The following ECPAS variants were observed in gnomAD, a reference collection of about 807,000 sequenced individuals.
ECPAS encodes Ecm29 proteasome adaptor and scaffold, also known as proteasome adapter and scaffold protein ECM29.
In ECPAS, 70 loss-of-function variants were observed where a neutral mutation model predicts 255.1. That is an observed-to-expected ratio of 0.27 (90% CI 0.23 to 0.33). The LOEUF (loss-of-function observed/expected upper bound fraction) is 0.33. ECPAS is among the 10% of genes least tolerant of loss of function. The pLI is 1.00. For synonymous variants in ECPAS, 784 were observed against 775.0 expected, an observed-to-expected ratio of 1.01 and a Z score of -0.19; for missense variants, 1,817 against 2,206.4, an observed-to-expected ratio of 0.82 and a Z score of 3.54.
intron 12 of ECPAS, among the ~76,000 whole-genome samples, chr9:111,424,281 T>C (rs977851155): frequency 2.0e-5 from 3 of 152,180 alleles, no homozygotes; most frequent in Admixed American, 6.5e-5. Flanking sequence ...GTGAACAATT[T>C]AGGTAGATTA....
Position 111,410,164 on chromosome 9 carries a change from T to C in ECPAS, c.2427A>G (p.Thr809=). 6.2e-7 allele frequency: 1 copy of C among 1,613,294 alleles called. No homozygotes were observed. Among genetic ancestry groups the C allele is most frequent in the Non-Finnish European group, 8.5e-7 (1 of 1,179,672 alleles). The stretch of plus-strand genomic sequence containing the variant: ...CATTTCTGCCAATTTCACCCAGGGC[T>C]GTGCAGGCAGCAATTGCCAGGAGGG... ...TSPLLAIAAC[T]ALGEIGRNGP... Residue 809 remains threonine (T), a synonymous_variant, in exon 23 of 50, where the codon ACA becomes ACG. Coordinates refer to ENST00000684092, the MANE Select transcript of ECPAS (RefSeq NM_001364929.1).
intron 24 of ECPAS, among the ~76,000 whole-genome samples, chr9:111,407,428 A>AAAAAAAAAAAAGAAAAG (rs751687233): frequency 1.0e-5 from 1 of 98,726 alleles, no homozygotes; most frequent in Non-Finnish European, 2.6e-5. Flanking sequence ...AAAAAAAAAA[A>AAAAAAAAAAAAGAAAAG]AAAAAAAAAA....
chr9:111,396,351 G>A (rs988194546), intron 25 of ECPAS, among the ~76,000 whole-genome samples: 9 of 152,142 alleles, frequency 5.9e-5, no homozygotes, highest in African/African-American at 1.9e-4. Context: ...TACCTAGAGC[G>A]CTAGCAGAAG....
intron 2 of ECPAS, among the ~76,000 whole-genome samples, chr9:111,468,617 AAG>A (rs896058000): frequency 1.4e-5 from 2 of 147,916 alleles, no homozygotes; most frequent in African/African-American, 5.0e-5. Context: ...ATTCTGGGCA[AAG>A]AGAGTGAGTG....
At chr9:111,366,418 G>A in intron 47 of ECPAS, 91 bp from the exon 48 acceptor site, 4 of 1,266,658 alleles carry the variant, frequency 3.2e-6, no homozygotes, top group Non-Finnish European at 4.5e-6. Flanking sequence ...ATGTATCACT[G>A]TCACTTTAGC....
At chr9:111,479,843 G>C (rs992556067) in intron 1 of ECPAS, among the ~76,000 whole-genome samples, 20 of 151,920 alleles carry the variant, frequency 1.3e-4, no homozygotes, top group Admixed American at 1.2e-3. Flanking sequence ...GCTGGGCGCA[G>C]TGACAGGTGC....
At chr9:111,435,194 C>A (rs566625296) in intron 7 of ECPAS, among the ~76,000 whole-genome samples, 4 of 152,142 alleles carry the variant, frequency 2.6e-5, no homozygotes, top group Non-Finnish European at 4.4e-5. Flanking sequence ...CCACGACACC[C>A]AGCCCCTTAA....
chr9:111,451,589 G>A (rs770280562), intron 2 of ECPAS, 34 bp from the exon 3 acceptor site: 8 of 1,512,272 alleles, frequency 5.3e-6, no homozygotes, highest in Non-Finnish European at 7.0e-6. Flanking sequence ...AGAGAACTTA[G>A]CAAGCCAAAC....
At chr9:111,439,610 C>T (rs2098243033) in intron 6 of ECPAS, among the ~76,000 whole-genome samples, 1 of 152,040 alleles carries the variant, frequency 6.6e-6, no homozygotes, top group Non-Finnish European at 1.5e-5. Flanking sequence ...TGTTTTCTTT[C>T]TTTCTTTTTT....
At position 111,437,018 on chromosome 9, in the gene ECPAS, C is replaced by T. The variant is rs762371174; in HGVS notation, c.630G>A (p.Gln210=). 1.2e-6 allele frequency: 2 copies of T among 1,613,084 alleles called. No homozygotes were observed. The highest frequency in any genetic ancestry group is 2.2e-5 in the East Asian group (1 of 44,800). Residue 210 remains glutamine, a synonymous_variant, in exon 7 of 50, where the codon CAG becomes CAA. Transcript: ENST00000684092. ...SNSGGGSGIP[Q]PPPGMSFYAA... is the part of the protein sequence containing the mutation. ...CATAAAAGCTCATTCCCGGAGGAGGCTGTGGGATTCCAGAACCTCCGCCAC... is the reference window on the plus strand; with the variant it reads ...CATAAAAGCTCATTCCCGGAGGAGGTTGTGGGATTCCAGAACCTCCGCCAC...
chr9:111,368,764 C>G (rs1002453125), intron 46 of ECPAS, among the ~76,000 whole-genome samples: 2 of 152,194 alleles, frequency 1.3e-5, no homozygotes, highest in African/African-American at 4.8e-5. Flanking sequence ...CTCGAAATCT[C>G]AGACTTCTAT....
chr9:111,423,144 T>C, intron 13 of ECPAS, 55 bp downstream of exon 13: 4 of 1,210,822 alleles, frequency 3.3e-6, no homozygotes, highest in Non-Finnish European at 4.7e-6. Flanking sequence ...AAATGCCACA[T>C]AATTTTTCTC....
At chr9:111,403,329 T>C (rs1328288196) in intron 24 of ECPAS, among the ~76,000 whole-genome samples, 1 of 151,160 alleles carries the variant, frequency 6.6e-6, no homozygotes, top group African/African-American at 2.4e-5. Flanking sequence ...CACTCCAGCC[T>C]GGACAATGGA....
intron 31 of ECPAS, among the ~76,000 whole-genome samples, chr9:111,388,903 T>C (rs191707896): frequency 5.1e-4 from 78 of 152,256 alleles, no homozygotes; most frequent in Non-Finnish European, 8.7e-4. Context: ...TCTGGGCATG[T>C]TGGGTTTATG....
At chr9:111,469,125 T>C (rs1227249355) in intron 2 of ECPAS, among the ~76,000 whole-genome samples, 1 of 152,162 alleles carries the variant, frequency 6.6e-6, no homozygotes, top group Non-Finnish European at 1.5e-5. Flanking sequence ...TAATCCCAGC[T>C]ATTTGGGAGG....
At chr9:111,370,401 T>C (rs2098125894) in intron 45 of ECPAS, 34 bp downstream of exon 45, 3 of 1,406,102 alleles carry the variant, frequency 2.1e-6, no homozygotes, top group Admixed American at 2.4e-5. Flanking sequence ...CTTTTTAAAG[T>C]ATAAACCAGA....
intron 15 of ECPAS, among the ~76,000 whole-genome samples, chr9:111,421,197 C>T (rs980311011): frequency 1.3e-5 from 2 of 152,112 alleles, no homozygotes; most frequent in African/African-American, 2.4e-5. Context: ...ACATTTAACC[C>T]TGTCATATTT....
intron 25 of ECPAS, among the ~76,000 whole-genome samples, chr9:111,395,643 A>G (rs2098166484): frequency 6.6e-6 from 1 of 152,156 alleles, no homozygotes; most frequent in South Asian, 2.1e-4. Flanking sequence ...ATGCCTCTCT[A>G]CTAACCTCTA....
rs1293073495 is a variant in ECPAS at position 111,369,042 on chromosome 9, C to A, written c.5106G>T (p.Glu1702Asp). 7 of 1,584,994 alleles carry A rather than the reference C, an allele frequency of 4.4e-6. No individual in the cohort carries two copies. In the South Asian group the frequency reaches 7.0e-5, roughly 16 times the overall value. The change falls in exon 46 of 50, where the codon GAG becomes GAT. Residue 1702 changes from glutamate to aspartate, a missense_variant. Coordinates refer to ENST00000684092, the MANE Select transcript of ECPAS (RefSeq NM_001364929.1). The part of the protein sequence containing the change: ...SLGKAWPRNA[E>D]TQRCYRQELC... Reference sequence around the variant, plus strand: ...GCAGTTTCTGGTGCTTACGTTGGGTCTCCGCGTTTCGCGGCCAGGCTTTGC... The same window carrying A: ...GCAGTTTCTGGTGCTTACGTTGGGTATCCGCGTTTCGCGGCCAGGCTTTGC...
Sources: gnomAD v4.1 joint callset for allele counts (sites outside exome capture counted in the v4.1 genomes callset) on GRCh38, gnomAD v4.1.1 for gene constraint, MANE v1.5 for transcripts, NCBI Gene and HGNC (gene_info 2026-07-23, HGNC 2026-07-21) for gene names.